The following ROR1 variants were observed in gnomAD, a reference collection of about 807,000 sequenced individuals.
ROR1 encodes ROR family WNT receptor 1.
Under a neutral mutation model 78.8 loss-of-function variants are expected in ROR1, and 19 were observed. The observed-to-expected ratio is 0.24, with a 90% CI of 0.17 to 0.35. The LOEUF is 0.35. Among genes scored for constraint, ROR1 ranks in the 10% least tolerant of loss-of-function variants. The probability of loss-of-function intolerance (pLI) is 1.00; values close to 1 mark genes in which losing one functional copy is unlikely to be tolerated. For missense variants in ROR1, 917 were observed against 1,177.8 expected, an observed-to-expected ratio of 0.78 and a Z score of 3.24; for synonymous variants, 386 against 433.6, an observed-to-expected ratio of 0.89 and a Z score of 1.36.
At chr1:64,143,380 AG>A in intron 7 of ROR1, 2 of 980,134 alleles carry the variant, frequency 2.0e-6, no homozygotes, top group Non-Finnish European at 2.4e-6. Context: ...AAAAAAAAAA[AG>A]AAAATGTTGG....
intron 4 of ROR1, among the ~76,000 whole-genome samples, chr1:64,083,516 T>G (rs1337523574): frequency 1.3e-5 from 2 of 148,782 alleles, no homozygotes; most frequent in Non-Finnish European, 3.0e-5. Context: ...AGTAATAATT[T>G]CCAAGATTGA....
At chr1:63,813,800 C>T (rs1414888969) in intron 1 of ROR1, among the ~76,000 whole-genome samples, 1 of 152,180 alleles carries the variant, frequency 6.6e-6, no homozygotes, top group Admixed American at 6.5e-5. Flanking sequence ...AGATAGAAGT[C>T]ATATTTGTTT....
chr1:63,966,571 T>G (rs537435037), intron 1 of ROR1, among the ~76,000 whole-genome samples: 20 of 152,340 alleles, frequency 1.3e-4, no homozygotes, highest in African/African-American at 4.8e-4. Flanking sequence ...TGAATGGGTC[T>G]CTTATGGAAT....
At chr1:63,875,849 A>T (rs1645281554) in intron 1 of ROR1, among the ~76,000 whole-genome samples, 1 of 152,186 alleles carries the variant, frequency 6.6e-6, no homozygotes, top group Non-Finnish European at 1.5e-5. Context: ...ATTGCCTACT[A>T]ATCTTGCAAA....
intron 1 of ROR1, among the ~76,000 whole-genome samples, chr1:63,886,007 A>G (rs1467077918): frequency 6.6e-6 from 1 of 152,128 alleles, no homozygotes; most frequent in Admixed American, 6.6e-5. Context: ...TTTTCCCACA[A>G]CTAGATGATC....
At chr1:63,882,814 G>T (rs999722605) in intron 1 of ROR1, among the ~76,000 whole-genome samples, 1 of 152,100 alleles carries the variant, frequency 6.6e-6, no homozygotes, top group Non-Finnish European at 1.5e-5. Flanking sequence ...TGTTCATTTT[G>T]GTAAAGATGT....
chr1:64,119,670 TG>T (rs761455099), intron 4 of ROR1, among the ~76,000 whole-genome samples: 77 of 147,532 alleles, frequency 5.2e-4, no homozygotes, highest in Non-Finnish European at 9.2e-4. Context: ...AAGTGATGGC[TG>T]GGGGCCTATA....
At chr1:64,044,538 T>G (rs1052389356) in intron 2 of ROR1, among the ~76,000 whole-genome samples, 1 of 152,190 alleles carries the variant, frequency 6.6e-6, no homozygotes, top group Non-Finnish European at 1.5e-5. Flanking sequence ...TAAAAATTAT[T>G]AATTGTATTA....
chr1:64,031,402 C>T (rs1284845947), intron 2 of ROR1, among the ~76,000 whole-genome samples: 2 of 152,206 alleles, frequency 1.3e-5, no homozygotes, highest in African/African-American at 4.8e-5. Flanking sequence ...GTCCCAGCAG[C>T]CTGAGCCCCC....
At chr1:63,887,855 A>G (rs1417513026) in intron 1 of ROR1, among the ~76,000 whole-genome samples, 1 of 152,208 alleles carries the variant, frequency 6.6e-6, no homozygotes, top group Non-Finnish European at 1.5e-5. Flanking sequence ...ATAGCTGCAT[A>G]CTGTTATTGA....
chr1:64,080,666 C>G (rs971167207), intron 4 of ROR1, among the ~76,000 whole-genome samples: 6 of 152,164 alleles, frequency 3.9e-5, no homozygotes, highest in African/African-American at 1.4e-4. Context: ...GCAGAGATGC[C>G]ACAGCTTGCA....
chr1:64,169,785 G>A (rs1413391068), intron 8 of ROR1, among the ~76,000 whole-genome samples: 1 of 152,212 alleles, frequency 6.6e-6, no homozygotes, highest in Admixed American at 6.5e-5. Flanking sequence ...TGGGGGTACA[G>A]GCATTGGGTA....
chr1:64,101,735 G>C (rs909985187), intron 4 of ROR1, among the ~76,000 whole-genome samples: 1 of 152,154 alleles, frequency 6.6e-6, no homozygotes, highest in Non-Finnish European at 1.5e-5. Flanking sequence ...GTTGATTAGA[G>C]GAGGCCTCTC....
chr1:63,887,274 G>A (rs560696872), intron 1 of ROR1, among the ~76,000 whole-genome samples: 46 of 152,216 alleles, frequency 3.0e-4, no homozygotes, highest in African/African-American at 1.0e-3. Context: ...CTGAGTTGCT[G>A]TCCTTTCTTC....
At chr1:63,801,902 C>T (rs1391079812) in intron 1 of ROR1, among the ~76,000 whole-genome samples, 1 of 152,170 alleles carries the variant, frequency 6.6e-6, no homozygotes, top group Non-Finnish European at 1.5e-5. Flanking sequence ...AATACATTTT[C>T]TGTGGTATCC....
chr1:63,803,591 G>A (rs897762506), intron 1 of ROR1, among the ~76,000 whole-genome samples: 5 of 152,160 alleles, frequency 3.3e-5, no homozygotes, highest in Non-Finnish European at 7.4e-5. Flanking sequence ...TGATCTACCC[G>A]CCTTGGCCTC....
chr1:63,845,655 T>G (rs1645076090), intron 1 of ROR1, among the ~76,000 whole-genome samples: 1 of 152,216 alleles, frequency 6.6e-6, no homozygotes, highest in African/African-American at 2.4e-5. Context: ...TGCCACTGCC[T>G]GCCTTTTCTT....
rs1169313694 is a variant in ROR1 at position 64,178,184 on chromosome 1, G to A, written c.2143G>A (p.Glu715Lys). Reference protein sequence around the residue: ...VRKRQLLPCSEDCPPRMYSLM... With the variant: ...VRKRQLLPCSKDCPPRMYSLM... ...AAAACGGCAGCTCTTACCATGCTCT[G>A]AAGACTGCCCACCCAGAATGTACAG... Residue 715 changes from glutamate to lysine, a missense_variant, in exon 9 of 9, where the codon GAA becomes AAA. This residue lies in a region of ROR1 where 835 missense variants were observed against 1,069.8 expected (regional missense o/e 0.78). Transcript: ENST00000371079. The surrounding 1 kb of genome is among the most constrained non-coding windows in gnomAD (Gnocchi z 4.3). 3.1e-6 allele frequency: 5 copies of A among 1,614,066 alleles called. No individual in the cohort carries two copies. Among genetic ancestry groups the A allele is most frequent in the Non-Finnish European group, 4.2e-6 (5 of 1,180,030 alleles).
intron 1 of ROR1, among the ~76,000 whole-genome samples, chr1:63,912,319 A>C (rs1434549453): frequency 6.6e-6 from 1 of 151,364 alleles, no homozygotes; most frequent in Admixed American, 6.6e-5. Flanking sequence ...AAAACAAAAA[A>C]CAGAAGACAT....
Sources: gnomAD v4.1 joint callset for allele counts (sites outside exome capture counted in the v4.1 genomes callset) on GRCh38, gnomAD v4.1.1 for gene constraint, gnomAD v4.1.1 regional missense constraint, Gnocchi (gnomAD v3.1) non-coding constraint, MANE v1.5 for transcripts, NCBI Gene and HGNC (gene_info 2026-07-23, HGNC 2026-07-21) for gene names.